Variants in ANKRD11 observed in about 807,000 individuals in gnomAD.
ANKRD11 encodes the protein ankyrin repeat domain-containing protein 11.
A neutral mutation model predicts 195.7 loss-of-function variants in ANKRD11; 17 were observed. The ratio of observed to expected loss-of-function variants is 0.09; its 90% CI spans 0.06 to 0.13. The LOEUF (loss-of-function observed/expected upper bound fraction) is 0.13. Among genes scored for constraint, ANKRD11 ranks in the 10% least tolerant of loss-of-function variants. The pLI is 1.00. For missense variants in ANKRD11, 3,735 were observed against 3,566.1 expected (o/e 1.05, Z -1.21); for synonymous variants, 1,953 against 1,528.1 (o/e 1.28, Z -6.49).
At chr16:89,425,739 G>C (rs148903542) in intron 1 of ANKRD11, among the ~76,000 whole-genome samples, 1 of 152,014 alleles carries the variant, frequency 6.6e-6, no homozygotes, top group Admixed American at 6.6e-5. Flanking sequence ...TATTCATTTC[G>C]TTTTCTCTGA....
chr16:89,477,025 C>A (rs927062545), intron 1 of ANKRD11, among the ~76,000 whole-genome samples: 3 of 152,182 alleles, frequency 2.0e-5, no homozygotes, highest in African/African-American at 7.2e-5. Flanking sequence ...ACACCGTGAG[C>A]ATCTATTAAT....
At chr16:89,381,331 CAAAAAAAAA>C (rs10567322) in intron 2 of ANKRD11, among the ~76,000 whole-genome samples, 14 of 76,366 alleles carry the variant, frequency 1.8e-4, no homozygotes, top group African/African-American at 6.9e-4. Context: ...GACTCTGCTG[CAAAAAAAAA>C]AAAAAAAAAA....
At chr16:89,314,403 TTCA>T (rs1484048441) in intron 3 of ANKRD11, among the ~76,000 whole-genome samples, 1 of 152,024 alleles carries the variant, frequency 6.6e-6, no homozygotes, top group Non-Finnish European at 1.5e-5. Flanking sequence ...ATCAGGCCAG[TTCA>T]TCAAGTCTCT....
At chr16:89,343,564 A>G (rs1179127317) in intron 2 of ANKRD11, 2 of 152,252 alleles carry the variant, frequency 1.3e-5, no homozygotes, top group African/African-American at 4.8e-5. Context: ...CACGCGAAAC[A>G]CAGTGCCTCC....
rs935434126 is a variant in ANKRD11 at position 89,439,180 on chromosome 16, C to T, written c.-144-20812G>A. ...CAGTCCCAGAGTCTTCTTTCCTACCCGCAGCACTGAAGGTTCAAGGAAGTC... is the reference window on the plus strand; with the variant it reads ...CAGTCCCAGAGTCTTCTTTCCTACCTGCAGCACTGAAGGTTCAAGGAAGTC... On this transcript the variant is annotated intron_variant, in intron 1 of 12. Coordinates refer to ENST00000301030, the MANE Select transcript of ANKRD11 (RefSeq NM_013275.6). Among the ~76,000 whole-genome samples, 4 of 152,056 alleles carry T rather than the reference C, an allele frequency of 2.6e-5. No individual in the cohort carries two copies. The South Asian group carries it at 6.2e-4, about 24-fold the overall frequency.
At chr16:89,313,897 G>A (rs190387829) in intron 3 of ANKRD11, among the ~76,000 whole-genome samples, 11 of 152,328 alleles carry the variant, frequency 7.2e-5, no homozygotes, top group Admixed American at 2.6e-4. Context: ...GCCTCCATGA[G>A]GAAAATGCCT....
chr16:89,436,275 G>A (rs979566516), intron 1 of ANKRD11, among the ~76,000 whole-genome samples: 10 of 152,024 alleles, frequency 6.6e-5, no homozygotes, highest in Admixed American at 2.0e-4. Flanking sequence ...TGAGCTGGGC[G>A]TGATGGCTCA....
chr16:89,428,514 G>T (rs761503934), intron 1 of ANKRD11, among the ~76,000 whole-genome samples: 5 of 151,390 alleles, frequency 3.3e-5, no homozygotes, highest in Non-Finnish European at 7.4e-5. Flanking sequence ...GACAGAGCGA[G>T]ACTACATCTC....
intron 4 of ANKRD11, chr16:89,300,757 A>C: frequency 1.6e-6 from 1 of 611,430 alleles, no homozygotes; most frequent in Non-Finnish European, 3.0e-6. Flanking sequence ...AGGAACCAGC[A>C]TGTGCCTGGC....
intron 2 of ANKRD11, among the ~76,000 whole-genome samples, chr16:89,393,279 T>C (rs2041276393): frequency 6.6e-6 from 1 of 152,016 alleles, no homozygotes; most frequent in Non-Finnish European, 1.5e-5. Flanking sequence ...CACATTAAAC[T>C]TTAGTTTCCT....
In ANKRD11 at chr16:89,369,380, A is replaced by G. The variant is rs145196777; in HGVS notation, c.-60+48904T>C. Among the ~76,000 whole-genome samples the G allele has an allele frequency of 3.3e-5, 5 of 152,322 alleles. No individual in the cohort carries two copies. In the East Asian group the frequency reaches 7.7e-4, roughly 23 times the overall value. Reference sequence around the variant, plus strand: ...ATCAGCTGATGGGTGCATGACCCGCATGACCCTGCCACAGGGAGGGCTGTG... The same window carrying G: ...ATCAGCTGATGGGTGCATGACCCGCGTGACCCTGCCACAGGGAGGGCTGTG... On this transcript the variant is annotated intron_variant, in intron 2 of 12. Coordinates refer to ENST00000301030, the MANE Select transcript of ANKRD11 (RefSeq NM_013275.6).
At chr16:89,360,233 G>A (rs748223693) in intron 2 of ANKRD11, among the ~76,000 whole-genome samples, 3 of 152,178 alleles carry the variant, frequency 2.0e-5, no homozygotes, top group Non-Finnish European at 4.4e-5. Context: ...TAAAAGACAT[G>A]ATCTCGTTCA....
At chr16:89,457,334 C>G (rs998058636) in intron 1 of ANKRD11, among the ~76,000 whole-genome samples, 1 of 151,044 alleles carries the variant, frequency 6.6e-6, no homozygotes, top group African/African-American at 2.4e-5. Context: ...CGCAGTGGCT[C>G]ACGCCTGTAA....
chr16:89,385,229 AC>A (rs1321466366), intron 2 of ANKRD11, among the ~76,000 whole-genome samples: 3 of 143,636 alleles, frequency 2.1e-5, no homozygotes, highest in Non-Finnish European at 4.6e-5. Context: ...TCCCTCTGTC[AC>A]CCAGGCTGGA....
At chr16:89,345,484 G>A (rs1023114684) in intron 2 of ANKRD11, among the ~76,000 whole-genome samples, 3 of 152,178 alleles carry the variant, frequency 2.0e-5, no homozygotes, top group African/African-American at 7.2e-5. Flanking sequence ...CCCCAAGCAC[G>A]GAGGCAGAGA....
chr16:89,280,238 A>G lies in ANKRD11; in HGVS notation c.6304T>C (p.Phe2102Leu), dbSNP rs1286727605. The G allele has an allele frequency of 6.2e-7, 1 of 1,608,472 alleles. No individual in the cohort carries two copies. The highest frequency in any genetic ancestry group is 1.3e-5 in the African/African-American group (1 of 74,990). ...VEALGPLENSFLDGSRGLSHL... is the reference protein window; with the variant it reads ...VEALGPLENSLLDGSRGLSHL... ...GACAGGCCGCGGCTGCCGTCCAGGA[A>G]GCTATTTTCCAGGGGCCCCAGAGCC... The change falls in exon 9 of 13, where the codon TTC becomes CTC. Residue 2102 changes from phenylalanine to leucine, a missense_variant. Physicochemically the swap from Phe to Leu is conservative, Grantham distance 22. Transcript: ENST00000301030.
At chr16:89,289,341 T>C (rs763732297) in intron 6 of ANKRD11, among the ~76,000 whole-genome samples, 7 of 152,186 alleles carry the variant, frequency 4.6e-5, no homozygotes, top group African/African-American at 1.2e-4. Flanking sequence ...ACCAGGGCAG[T>C]TGGAGAAATC....
chr16:89,365,837 T>C (rs954856860), intron 2 of ANKRD11, among the ~76,000 whole-genome samples: 1 of 152,102 alleles, frequency 6.6e-6, no homozygotes, highest in Admixed American at 6.5e-5. Flanking sequence ...CCAACAGTTA[T>C]TTTTTCTGTT....
At chr16:89,372,827 T>G (rs1312424307) in intron 2 of ANKRD11, 2 of 152,202 alleles carry the variant, frequency 1.3e-5, no homozygotes, top group African/African-American at 4.8e-5. Context: ...TGGCAGGGAC[T>G]CACTGAAAGT....
Sources: gnomAD v4.1 joint callset for allele counts (sites outside exome capture counted in the v4.1 genomes callset) on GRCh38, gnomAD v4.1.1 for gene constraint, MANE v1.5 for transcripts, NCBI Gene and HGNC (gene_info 2026-07-23, HGNC 2026-07-21) for gene names.